Variants in TSNARE1 observed in about 807,000 individuals in gnomAD.
TSNARE1 encodes t-SNARE domain-containing protein 1.
In TSNARE1, 49 loss-of-function variants were observed where a neutral mutation model predicts 62.0. The observed-to-expected ratio is 0.79, with a 90% confidence interval of 0.63 to 1.00. The LOEUF (loss-of-function observed/expected upper bound fraction) is 1.00. Among genes scored for constraint, TSNARE1 ranks in the 50% least tolerant of loss-of-function variants. The pLI is 0.00. For synonymous variants in TSNARE1, 328 were observed against 294.4 expected (o/e 1.11, Z -1.17); for missense variants, 755 against 700.1 (o/e 1.08, Z -0.88).
upstream of TSNARE1, chr8:142,404,900 G>A (rs1467360695): frequency 1.3e-5 from 2 of 152,274 alleles, no homozygotes; most frequent in East Asian, 3.9e-4. Context: ...GCAAAGGAGG[G>A]GAAAGTGAAG....
chr8:142,217,084 A>T (rs901102713), intron 13 of TSNARE1, among the ~76,000 whole-genome samples: 1 of 151,902 alleles, frequency 6.6e-6, no homozygotes, highest in African/African-American at 2.4e-5. Flanking sequence ...TCTACTAAAA[A>T]TACAAAAAAT....
intron 1 of TSNARE1, among the ~76,000 whole-genome samples, chr8:142,372,097 C>T (rs1204389021): frequency 2.0e-5 from 3 of 152,190 alleles, no homozygotes; most frequent in Non-Finnish European, 4.4e-5. Context: ...CTGAATTCTG[C>T]TTGGCAGACA....
intron 11 of TSNARE1, among the ~76,000 whole-genome samples, chr8:142,281,693 T>G (rs1007609485): frequency 1.3e-5 from 2 of 151,836 alleles, no homozygotes; most frequent in Non-Finnish European, 2.9e-5. Flanking sequence ...GGCAACCCCA[T>G]AGAGGAAGGG....
intron 7 of TSNARE1, 29 bp from the exon 8 acceptor site, chr8:142,315,121 T>C (rs1380645906): frequency 1.9e-6 from 3 of 1,612,230 alleles, no homozygotes; most frequent in Non-Finnish European, 2.5e-6. Context: ...TGGCACGGCA[T>C]GGGAGGCTTG....
At chr8:142,314,038 C>G (rs1004892953) in intron 9 of TSNARE1, among the ~76,000 whole-genome samples, 1 of 152,258 alleles carries the variant, frequency 6.6e-6, no homozygotes, top group Non-Finnish European at 1.5e-5. Flanking sequence ...CTCGGCCTCC[C>G]ACAGTGCTGG....
At position 142,325,071 on chromosome 8, in the gene TSNARE1, C is replaced by T. The variant is rs74455537; in HGVS notation, c.893+5830G>A. ...GCAGGTGATGCCCAAGTCAACACAA[C>T]GCAGTGGTGTTGGTGCACAGACCCA... is the stretch of plus-strand genomic sequence containing the variant. On this transcript the variant is annotated intron_variant, in intron 6 of 13. Transcript: ENST00000524325. Among the ~76,000 whole-genome samples the T allele has an allele frequency of 1.6e-3, 239 of 152,362 alleles. 2 individuals carry two copies. In the East Asian group the frequency reaches 0.04, roughly 26 times the overall value.
chr8:142,220,873 C>G (rs374191689), intron 13 of TSNARE1, among the ~76,000 whole-genome samples: 41 of 152,326 alleles, frequency 2.7e-4, no homozygotes, highest in African/African-American at 9.6e-4. Context: ...AGCAGTTTCC[C>G]TGGCAGTACC....
intron 12 of TSNARE1, among the ~76,000 whole-genome samples, chr8:142,249,119 C>T (rs1185110512): frequency 6.6e-6 from 1 of 152,284 alleles, no homozygotes; most frequent in African/African-American, 2.4e-5. Flanking sequence ...GCCCAATGCC[C>T]CTTCCTCACG....
At chr8:142,261,016 G>GAGGGAGGAGA (rs1563786732) in intron 12 of TSNARE1, among the ~76,000 whole-genome samples, 6 of 10,330 alleles carry the variant, frequency 5.8e-4, no homozygotes, top group African/African-American at 1.0e-3. Context: ...AGGGAGGAGA[G>GAGGGAGGAGA]GAGACAGGGA....
At chr8:142,377,877 C>T (rs1323085682) in intron 1 of TSNARE1, among the ~76,000 whole-genome samples, 1 of 152,258 alleles carries the variant, frequency 6.6e-6, no homozygotes, top group African/African-American at 2.4e-5. Flanking sequence ...CCATGCTACT[C>T]ATTTATATAA....
chr8:142,359,150 T>A (rs1587005837), intron 1 of TSNARE1, among the ~76,000 whole-genome samples: 1 of 152,048 alleles, frequency 6.6e-6, no homozygotes, highest in Non-Finnish European at 1.5e-5. Flanking sequence ...AACCAGCTCA[T>A]GCCCCCACTT....
intron 6 of TSNARE1, among the ~76,000 whole-genome samples, chr8:142,328,821 G>A (rs879924560): frequency 1.7e-5 from 2 of 120,622 alleles, no homozygotes; most frequent in Non-Finnish European, 3.5e-5. Context: ...AGGCCTTTGG[G>A]GGGGGGGAGG....
At chr8:142,227,987 A>T (rs1347244819) in intron 13 of TSNARE1, among the ~76,000 whole-genome samples, 2 of 152,160 alleles carry the variant, frequency 1.3e-5, no homozygotes, top group East Asian at 3.9e-4. Flanking sequence ...GGTGGCATCC[A>T]CCCTGTTCCC....
intron 1 of TSNARE1, among the ~76,000 whole-genome samples, chr8:142,382,123 C>G (rs1186665867): frequency 2.0e-5 from 3 of 152,188 alleles, no homozygotes; most frequent in Non-Finnish European, 4.4e-5. Flanking sequence ...TGCGCATGGG[C>G]ATCCGAGTGG....
intron 12 of TSNARE1, chr8:142,269,376 G>A: frequency 7.4e-6 from 7 of 949,162 alleles, no homozygotes; most frequent in Non-Finnish European, 8.8e-6. Context: ...TGGGGTGAAG[G>A]TTGGGGCTCA....
At chr8:142,253,205 G>A (rs1383465717) in intron 12 of TSNARE1, among the ~76,000 whole-genome samples, 1 of 152,224 alleles carries the variant, frequency 6.6e-6, no homozygotes, top group East Asian at 1.9e-4. Context: ...GGTACGGGAG[G>A]AGGGCCGGTA....
intron 6 of TSNARE1, among the ~76,000 whole-genome samples, chr8:142,325,412 C>T (rs1449579674): frequency 3.9e-5 from 6 of 152,108 alleles, no homozygotes; most frequent in African/African-American, 4.8e-5. Flanking sequence ...AATCCACCGT[C>T]GGGGGCAAGA....
intron 11 of TSNARE1, among the ~76,000 whole-genome samples, chr8:142,281,119 C>A (rs1821377209): frequency 6.6e-6 from 1 of 152,182 alleles, no homozygotes; most frequent in Admixed American, 6.5e-5. Context: ...TCGGCACAGG[C>A]CCCAAGGTGA....
chr8:142,361,087 C>A (rs1311372854), intron 1 of TSNARE1, among the ~76,000 whole-genome samples: 1 of 152,246 alleles, frequency 6.6e-6, no homozygotes, highest in African/African-American at 2.4e-5. Flanking sequence ...AGGCCCCACA[C>A]AGGTCGCACC....
Sources: allele counts gnomAD v4.1 joint callset (sites outside exome capture counted in the v4.1 genomes callset), GRCh38; gene constraint gnomAD v4.1.1; transcripts MANE v1.5; gene names NCBI Gene and HGNC (gene_info 2026-07-23, HGNC 2026-07-21).